Variants in ROBO2 observed in about 807,000 individuals in gnomAD.
The protein encoded by ROBO2 is roundabout guidance receptor 2, also known as roundabout homolog 2.
A neutral mutation model predicts 160.8 loss-of-function variants in ROBO2; 53 were observed. The observed-to-expected ratio is 0.33, with a 90% CI of 0.26 to 0.41. ROBO2 has a LOEUF of 0.41. Ranked by LOEUF, ROBO2 falls within the 10% of genes least tolerant of loss-of-function variation. The pLI is 1.00. For synonymous variants in ROBO2, 664 were observed against 611.7 expected, an observed-to-expected ratio of 1.09 and a Z score of -1.26; for missense variants, 1,577 against 1,722.4, an observed-to-expected ratio of 0.92 and a Z score of 1.49.
chr3:76,956,231 G>T (rs761078655), intron 2 of ROBO2, among the ~76,000 whole-genome samples: 7 of 152,120 alleles, frequency 4.6e-5, no homozygotes, highest in African/African-American at 7.2e-5. Flanking sequence ...TTACTACAGA[G>T]ATTTAAATTG....
intron 2 of ROBO2, among the ~76,000 whole-genome samples, chr3:76,117,469 AAGT>A (rs2070523571): frequency 6.6e-6 from 1 of 152,160 alleles, no homozygotes; most frequent in Non-Finnish European, 1.5e-5. Context: ...ATGAGACACC[AAGT>A]TTAACAAGAA....
intron 2 of ROBO2, among the ~76,000 whole-genome samples, chr3:76,670,804 A>G (rs1406546197): frequency 6.6e-6 from 1 of 151,786 alleles, no homozygotes; most frequent in Non-Finnish European, 1.5e-5. Context: ...ATCATCTTAC[A>G]ACTATTGTAT....
intron 2 of ROBO2, among the ~76,000 whole-genome samples, chr3:76,345,767 T>C (rs2074494196): frequency 6.6e-6 from 1 of 152,126 alleles, no homozygotes; most frequent in Non-Finnish European, 1.5e-5. Flanking sequence ...CTGTTTAATA[T>C]AAATTATTGA....
intron 4 of ROBO2, among the ~76,000 whole-genome samples, chr3:77,490,215 C>G (rs1407934158): frequency 6.6e-6 from 1 of 151,612 alleles, no homozygotes; most frequent in African/African-American, 2.4e-5. Flanking sequence ...ATTCTCCTGC[C>G]TCAGCCTCCC....
intron 2 of ROBO2, among the ~76,000 whole-genome samples, chr3:76,055,853 G>C (rs563375165): frequency 3.9e-5 from 6 of 152,092 alleles, no homozygotes; most frequent in Admixed American, 2.6e-4. Context: ...CTGCCTCCTG[G>C]GTTCAAGCGA....
intron 2 of ROBO2, among the ~76,000 whole-genome samples, chr3:76,967,268 C>T: frequency 6.6e-6 from 1 of 150,540 alleles, no homozygotes; most frequent in African/African-American, 2.4e-5. Context: ...ACTCTGTCGT[C>T]CAGTTTGTTC....
At chr3:76,568,361 G>A (rs570657917) in intron 2 of ROBO2, among the ~76,000 whole-genome samples, 2 of 151,990 alleles carry the variant, frequency 1.3e-5, no homozygotes, top group South Asian at 2.1e-4. Flanking sequence ...GCAGTGGTGC[G>A]ATCTCGGCTC....
chr3:77,072,727 A>C (rs1178288016), intron 1 of ROBO2, among the ~76,000 whole-genome samples: 1 of 152,196 alleles, frequency 6.6e-6, no homozygotes, highest in African/African-American at 2.4e-5. Context: ...CTGAGCAGGT[A>C]GTAGGTGCTC....
chr3:76,905,734 CGACATAAATTACTAT>C (rs1178195937), intron 2 of ROBO2, among the ~76,000 whole-genome samples: 3 of 152,082 alleles, frequency 2.0e-5, no homozygotes, highest in East Asian at 3.9e-4. Context: ...TAGTTTTTCT[CGACATAAATTACTAT>C]GACTGTCTTA....
chr3:76,350,623 G>A (rs1235722910), intron 2 of ROBO2, among the ~76,000 whole-genome samples: 2 of 151,898 alleles, frequency 1.3e-5, no homozygotes, highest in Non-Finnish European at 2.9e-5. Context: ...ATGACTTGGA[G>A]ACTGAGAGAT....
At chr3:77,530,391 CA>C (rs901712447) in intron 6 of ROBO2, among the ~76,000 whole-genome samples, 1 of 151,900 alleles carries the variant, frequency 6.6e-6, no homozygotes, top group Admixed American at 6.6e-5. Context: ...GAAATCATTA[CA>C]AACCCCCAAA....
intron 2 of ROBO2, among the ~76,000 whole-genome samples, chr3:77,398,953 A>AT (rs201116595): frequency 1.3e-3 from 198 of 151,256 alleles, no homozygotes; most frequent in Admixed American, 3.2e-3. Context: ...AATAGAAGTT[A>AT]TTTTTTTTTC....
intron 16 of ROBO2, among the ~76,000 whole-genome samples, chr3:77,580,364 GTTTAAAA>G (rs2093884324): frequency 6.6e-6 from 1 of 152,104 alleles, no homozygotes; most frequent in South Asian, 2.1e-4. Context: ...CTGAAAGGTA[GTTTAAAA>G]TTACTTTTAA....
chr3:76,719,477 A>G (rs1198118442), intron 2 of ROBO2, among the ~76,000 whole-genome samples: 1 of 152,214 alleles, frequency 6.6e-6, no homozygotes, highest in East Asian at 1.9e-4. Context: ...CTAGCACTAC[A>G]GGCTCACACC....
intron 2 of ROBO2, among the ~76,000 whole-genome samples, chr3:77,420,958 A>C (rs1032524417): frequency 6.6e-6 from 1 of 152,164 alleles, no homozygotes; most frequent in Non-Finnish European, 1.5e-5. Flanking sequence ...TCAAATTCCC[A>C]TAAGTTTCCA....
At chr3:76,943,186 TC>T (rs1001758554) in intron 2 of ROBO2, among the ~76,000 whole-genome samples, 1 of 152,204 alleles carries the variant, frequency 6.6e-6, no homozygotes, top group African/African-American at 2.4e-5. Flanking sequence ...GTTGGTCCTT[TC>T]TAGGAAATCA....
chr3:77,490,462 T>C (rs1369304171), intron 4 of ROBO2, among the ~76,000 whole-genome samples: 1 of 152,218 alleles, frequency 6.6e-6, no homozygotes, highest in Non-Finnish European at 1.5e-5. Context: ...AAAAAGTCTG[T>C]TTGATTCCTT....
chr3:76,985,873 G>T (rs1371301392), intron 2 of ROBO2, among the ~76,000 whole-genome samples: 1 of 152,158 alleles, frequency 6.6e-6, no homozygotes, highest in East Asian at 1.9e-4. Context: ...GTGGTCCTGG[G>T]ACCATTAACT....
intron 2 of ROBO2, among the ~76,000 whole-genome samples, chr3:76,138,250 C>T (rs114495333): frequency 0.024 from 3,599 of 151,648 alleles, 139 homozygotes; most frequent in African/African-American, 0.073. Context: ...TTTTATGTTG[C>T]GCTTCATATG....
Sources: allele counts gnomAD v4.1 joint callset (sites outside exome capture counted in the v4.1 genomes callset), GRCh38; gene constraint gnomAD v4.1.1; transcripts MANE v1.5; gene names NCBI Gene and HGNC (gene_info 2026-07-23, HGNC 2026-07-21).